Variants in COG5 observed in about 807,000 individuals in gnomAD.
COG5 encodes conserved oligomeric Golgi complex subunit 5.
A neutral mutation model predicts 110.4 loss-of-function variants in COG5; 86 were observed. The ratio of observed to expected loss-of-function variants is 0.78; its 90% CI spans 0.65 to 0.93. The LOEUF is 0.93. Among genes scored for constraint, COG5 ranks in the 40% least tolerant of loss-of-function variants. COG5 has a pLI of 0.00. For synonymous variants in COG5, 360 were observed against 334.6 expected, an observed-to-expected ratio of 1.08 and a Z score of -0.83; for missense variants, 1,077 against 987.0, an observed-to-expected ratio of 1.09 and a Z score of -1.22.
intron 5 of COG5, among the ~76,000 whole-genome samples, chr7:107,528,468 C>A (rs887722670): frequency 1.3e-5 from 2 of 152,100 alleles, no homozygotes; most frequent in Non-Finnish European, 2.9e-5. Context: ...TTCCTTTTCC[C>A]AGATCTAATA....
At chr7:107,521,008 A>T (rs1310184667) in intron 6 of COG5, among the ~76,000 whole-genome samples, 1 of 152,214 alleles carries the variant, frequency 6.6e-6, no homozygotes, top group South Asian at 2.1e-4. Flanking sequence ...CAACCAGCTG[A>T]TCTTCAACAA....
chr7:107,430,300 G>A (rs890495684), intron 6 of COG5, among the ~76,000 whole-genome samples: 1 of 152,060 alleles, frequency 6.6e-6, no homozygotes, highest in African/African-American at 2.4e-5. Flanking sequence ...TCATTCTTTT[G>A]CATGTAGACA....
At chr7:107,248,629 G>A in intron 16 of COG5, 130 bp from the exon 17 acceptor site, 1 of 690,032 alleles carries the variant, frequency 1.4e-6, no homozygotes, top group East Asian at 2.7e-5. Flanking sequence ...TAAGTTAACA[G>A]AAGTCTGCTC....
intron 14 of COG5, among the ~76,000 whole-genome samples, chr7:107,265,169 G>C (rs1022137521): frequency 6.6e-6 from 1 of 152,142 alleles, no homozygotes; most frequent in South Asian, 2.1e-4. Flanking sequence ...AATACGACAA[G>C]ATAAACTGCT....
chr7:107,376,555 G>A (rs1276005684), intron 7 of COG5, among the ~76,000 whole-genome samples: 1 of 151,110 alleles, frequency 6.6e-6, no homozygotes, highest in Admixed American at 6.6e-5. Context: ...TAAATTTTTT[G>A]TAAACAATCA....
chr7:107,515,092 A>C (rs918608728), intron 6 of COG5, among the ~76,000 whole-genome samples: 3 of 152,218 alleles, frequency 2.0e-5, no homozygotes, highest in African/African-American at 7.2e-5. Flanking sequence ...TAAATAAATT[A>C]AACGAATTAT....
intron 10 of COG5, among the ~76,000 whole-genome samples, chr7:107,338,688 A>G (rs1171938902): frequency 1.3e-5 from 2 of 152,124 alleles, no homozygotes; most frequent in Non-Finnish European, 2.9e-5. Flanking sequence ...AAAGCAACCT[A>G]CAGAATGGGA....
intron 7 of COG5, among the ~76,000 whole-genome samples, chr7:107,399,095 G>C (rs1016743974): frequency 6.6e-6 from 1 of 152,060 alleles, no homozygotes; most frequent in Non-Finnish European, 1.5e-5. Flanking sequence ...CCAGCTACTC[G>C]GAAGTCTGAG....
Position 107,230,645 on chromosome 7 carries a change from C to A in COG5, c.2138G>T (p.Gly713Val), listed in dbSNP as rs1265452378. Residue 713 changes from glycine to valine, a missense_variant, in exon 19 of 22, where the codon GGA becomes GTA. Physicochemically the swap from Gly to Val is moderately radical, Grantham distance 109. Coordinates refer to ENST00000297135, the MANE Select transcript of COG5 (RefSeq NM_006348.5). Reference sequence around the variant, plus strand: ...TGATCTCAGCATCCGATAGGACTTTCCTAAATCAGATACTCGTCTACAGAA... The same window carrying A: ...TGATCTCAGCATCCGATAGGACTTTACTAAATCAGATACTCGTCTACAGAA... ...GPFCRRVSDL[G>V]KSYRMLRSFR... 1.2e-6 allele frequency: 2 copies of A among 1,613,450 alleles called. No homozygotes were observed.
chr7:107,432,892 T>C (rs1794123166), intron 6 of COG5, among the ~76,000 whole-genome samples: 1 of 152,078 alleles, frequency 6.6e-6, no homozygotes, highest in African/African-American at 2.4e-5. Flanking sequence ...AGTAAAATTA[T>C]CTCTGTTCAC....
chr7:107,444,216 A>T (rs1794880005), intron 6 of COG5, among the ~76,000 whole-genome samples: 1 of 152,194 alleles, frequency 6.6e-6, no homozygotes, highest in South Asian at 2.1e-4. Flanking sequence ...CCTCTAGTCT[A>T]GCTAATACTA....
At chr7:107,503,983 T>C (rs1026149215) in intron 6 of COG5, among the ~76,000 whole-genome samples, 1 of 152,164 alleles carries the variant, frequency 6.6e-6, no homozygotes, top group Non-Finnish European at 1.5e-5. Context: ...GCCCTTTACT[T>C]CCTTCTCTTC....
chr7:107,270,882 C>CTT lies in COG5; in HGVS notation c.1575+10416_1575+10417dup, dbSNP rs56971368. ...TTATACTTCATTATCCTAACTAGAA[C>CTT]TTTTTTTTTTTTTTTTTTTTTTTTT... On this transcript the variant is annotated intron_variant, in intron 14 of 21. Coordinates refer to ENST00000297135, the MANE Select transcript of COG5 (RefSeq NM_006348.5). Among the ~76,000 whole-genome samples the CTT allele has an allele frequency of 8.7e-4, 60 of 68,750 alleles. 10 individuals are homozygous for CTT. The highest frequency in any genetic ancestry group is 2.2e-3 in the African/African-American group (33 of 14,946). The allele number at this position is 68,750 out of a possible 152,430, so 45.1% of individuals were successfully genotyped here.
intron 10 of COG5, among the ~76,000 whole-genome samples, chr7:107,339,292 G>A (rs1170146567): frequency 6.6e-6 from 1 of 152,100 alleles, no homozygotes; most frequent in Non-Finnish European, 1.5e-5. Flanking sequence ...ATTATATGGT[G>A]ATAAAGTGCT....
chr7:107,486,271 T>C (rs1268980518), intron 6 of COG5, among the ~76,000 whole-genome samples: 1 of 152,128 alleles, frequency 6.6e-6, no homozygotes, highest in Admixed American at 6.6e-5. Context: ...TAGACCACTG[T>C]GAGGTGAAGA....
At chr7:107,558,158 T>C (rs376657984) in intron 1 of COG5, 43 bp from the exon 2 acceptor site, 3 of 1,591,298 alleles carry the variant, frequency 1.9e-6, no homozygotes, top group Middle Eastern at 3.8e-4. Flanking sequence ...AATTACCCTG[T>C]ACTAAACCAG....
chr7:107,348,312 G>A (rs1811818677), intron 10 of COG5, among the ~76,000 whole-genome samples: 1 of 151,806 alleles, frequency 6.6e-6, no homozygotes. Context: ...TTGTTACAGA[G>A]GTCATACTAG....
At chr7:107,295,965 T>C (rs534159946) in intron 12 of COG5, among the ~76,000 whole-genome samples, 1 of 152,094 alleles carries the variant, frequency 6.6e-6, no homozygotes, top group South Asian at 2.1e-4. Flanking sequence ...TAATTTTTTG[T>C]TTTTTTCAGT....
intron 10 of COG5, 67 bp downstream of exon 10, chr7:107,361,966 A>G: frequency 1.9e-6 from 2 of 1,076,870 alleles, no homozygotes; most frequent in Non-Finnish European, 1.4e-6. Context: ...AGTAACACAA[A>G]TGATGCTGAC....
Sources: gnomAD v4.1 joint callset for allele counts (sites outside exome capture counted in the v4.1 genomes callset) on GRCh38, gnomAD v4.1.1 for gene constraint, MANE v1.5 for transcripts, NCBI Gene and HGNC (gene_info 2026-07-23, HGNC 2026-07-21) for gene names.